The following PLEKHG1 variants were observed in gnomAD, a reference collection of about 807,000 sequenced individuals.
PLEKHG1 encodes the protein pleckstrin homology and RhoGEF domain containing G1.
Under a neutral mutation model 100.8 loss-of-function variants are expected in PLEKHG1, and 44 were observed. The ratio of observed to expected loss-of-function variants is 0.44; its 90% CI spans 0.34 to 0.56. The LOEUF is 0.56. PLEKHG1 is among the 20% of genes least tolerant of loss of function. PLEKHG1 has a pLI of 0.01. For missense variants in PLEKHG1, 1,545 were observed against 1,720.9 expected (o/e 0.90, Z 1.81); for synonymous variants, 640 against 662.5 (o/e 0.97, Z 0.52).
chr6:150,776,164 C>A (rs137969537), intron 3 of PLEKHG1, among the ~76,000 whole-genome samples: 17 of 152,196 alleles, frequency 1.1e-4, no homozygotes, highest in Admixed American at 9.2e-4. Context: ...TCTCATTTCC[C>A]ACCCAACTAA....
chr6:150,788,139 C>T (rs1785743810), intron 4 of PLEKHG1, among the ~76,000 whole-genome samples: 2 of 152,348 alleles, frequency 1.3e-5, no homozygotes, highest in African/African-American at 2.4e-5. Flanking sequence ...TTATGTGCCA[C>T]GTTGCCAACT....
rs1778455419 is a variant in PLEKHG1 at position 150,645,444 on chromosome 6, A to G, written c.-157-5284A>G. On this transcript the variant is annotated intron_variant, in intron 2 of 3. Coordinates refer to the PLEKHG1 transcript ENST00000367326. ...ACAAAAATCTTTAAACCATAGACAT[A>G]TGTAACTGCATTATATTTAAGATCC... Among the ~76,000 whole-genome samples the G allele has an allele frequency of 2.6e-5, 4 of 152,358 alleles. No homozygotes were observed. The East Asian group carries it at 7.7e-4, about 29-fold the overall frequency.
chr6:150,829,465 A>C (rs1276826407), intron 14 of PLEKHG1, among the ~76,000 whole-genome samples: 1 of 152,054 alleles, frequency 6.6e-6, no homozygotes, highest in Admixed American at 6.6e-5. Flanking sequence ...TAAAAATACA[A>C]AAATTAGCCA....
intron 2 of PLEKHG1, among the ~76,000 whole-genome samples, chr6:150,762,923 T>C (rs2128635846): frequency 6.6e-6 from 1 of 152,320 alleles, no homozygotes; most frequent in Non-Finnish European, 1.5e-5. Context: ...CTCACAGTAC[T>C]TTGTAAATAA....
intron 1 of PLEKHG1, among the ~76,000 whole-genome samples, chr6:150,610,710 G>A (rs1776791698): frequency 6.6e-6 from 1 of 152,110 alleles, no homozygotes; most frequent in Non-Finnish European, 1.5e-5. Context: ...TCTTTAAAAA[G>A]GTTTCTTTAG....
intron 3 of PLEKHG1, among the ~76,000 whole-genome samples, chr6:150,783,862 T>G (rs371600035): frequency 1.6e-3 from 240 of 152,340 alleles, no homozygotes; most frequent in African/African-American, 5.5e-3. Flanking sequence ...TCTAGAAAAA[T>G]AATTTTACTA....
chr6:150,820,634 G>A (rs2128678393), intron 12 of PLEKHG1, among the ~76,000 whole-genome samples: 1 of 152,266 alleles, frequency 6.6e-6, no homozygotes, highest in Non-Finnish European at 1.5e-5. Flanking sequence ...GGAGGCTGAG[G>A]TGGGAGGATC....
chr6:150,831,712 T>A lies in PLEKHG1; in HGVS notation c.2601T>A (p.Asp867Glu). 3 of 1,613,290 alleles carry A rather than the reference T, an allele frequency of 1.9e-6. No homozygotes were observed. The highest frequency in any genetic ancestry group is 2.5e-6 in the Non-Finnish European group (3 of 1,180,036). Reference sequence around the variant, plus strand: ...CAGCGTTTCCTGTGAGCAAGGATGATGTGCCAGACAGGCTGCACGCAGAGA... The same window carrying A: ...CAGCGTTTCCTGTGAGCAAGGATGAAGTGCCAGACAGGCTGCACGCAGAGA... The change falls in exon 15 of 16, where the codon GAT (aspartate) becomes GAA (glutamate). Residue 867 changes from aspartate to glutamate, a missense_variant. By Grantham distance (45) the Asp-to-Glu change is conservative. Coordinates refer to ENST00000358517, the Ensembl canonical transcript of PLEKHG1. The surrounding 1 kb of genome is among the most constrained non-coding windows in gnomAD (Gnocchi z 4.1).
intron 3 of PLEKHG1, among the ~76,000 whole-genome samples, chr6:150,687,948 A>G (rs1325903805): frequency 6.6e-6 from 1 of 152,222 alleles, no homozygotes; most frequent in Non-Finnish European, 1.5e-5. Context: ...GTTTCCAGCC[A>G]TACTTTTCAG....
intron 2 of PLEKHG1, among the ~76,000 whole-genome samples, chr6:150,761,717 T>A (rs922584093): frequency 6.6e-6 from 1 of 152,240 alleles, no homozygotes; most frequent in Non-Finnish European, 1.5e-5. Context: ...TAGATGTGTT[T>A]TTGCTTAAAG....
chr6:150,746,469 G>A (rs4869943), intron 2 of PLEKHG1, among the ~76,000 whole-genome samples: 27,630 of 152,100 alleles, frequency 0.18, 2,635 homozygotes, highest in Admixed American at 0.24. Context: ...ATGGTCTTCC[G>A]TTAGTGTTAA....
chr6:150,748,854 G>A (rs1783330495), intron 2 of PLEKHG1, among the ~76,000 whole-genome samples: 1 of 152,112 alleles, frequency 6.6e-6, no homozygotes, highest in Admixed American at 6.5e-5. Context: ...TGGAACTCCT[G>A]ACCTCAAGTG....
At chr6:150,669,437 G>A (rs899137910) in intron 3 of PLEKHG1, among the ~76,000 whole-genome samples, 2 of 152,100 alleles carry the variant, frequency 1.3e-5, no homozygotes, top group African/African-American at 2.4e-5. Context: ...AGTCTGTGGG[G>A]AGAATTAACC....
At chr6:150,672,390 T>C (rs1202161135) in intron 3 of PLEKHG1, among the ~76,000 whole-genome samples, 2 of 152,240 alleles carry the variant, frequency 1.3e-5, no homozygotes, top group Non-Finnish European at 2.9e-5. Flanking sequence ...CTTTCCTCGA[T>C]GTCCCGTTAA....
intron 2 of PLEKHG1, among the ~76,000 whole-genome samples, chr6:150,735,133 T>A (rs1418759824): frequency 1.3e-5 from 2 of 152,004 alleles, no homozygotes; most frequent in Non-Finnish European, 2.9e-5. Context: ...ATTATAGGCA[T>A]GCTCCACCAC....
At chr6:150,616,099 A>C (rs913088774) in intron 1 of PLEKHG1, among the ~76,000 whole-genome samples, 3 of 152,176 alleles carry the variant, frequency 2.0e-5, no homozygotes, top group African/African-American at 7.2e-5. Context: ...CCCAGATCTG[A>C]AGCTCATAGT....
At chr6:150,641,843 C>A (rs1162375094) in intron 2 of PLEKHG1, among the ~76,000 whole-genome samples, 1 of 72,954 alleles carries the variant, frequency 1.4e-5, no homozygotes, top group African/African-American at 5.4e-5. Context: ...ACCAATATGT[C>A]AAAGCCTGTT....
At chr6:150,744,691 T>C (rs1046742693) in intron 2 of PLEKHG1, among the ~76,000 whole-genome samples, 1 of 152,194 alleles carries the variant, frequency 6.6e-6, no homozygotes, top group Non-Finnish European at 1.5e-5. Flanking sequence ...ATGATAATTA[T>C]GAATGTGGTG....
At chr6:150,823,499 C>A (rs1208382541) in intron 13 of PLEKHG1, among the ~76,000 whole-genome samples, 155 bp from the exon 15 acceptor site, 1 of 152,112 alleles carries the variant, frequency 6.6e-6, no homozygotes, top group Non-Finnish European at 1.5e-5. Flanking sequence ...GGAGAGCTGA[C>A]AGGGATTTTC....
Sources: gnomAD v4.1 joint callset for allele counts (sites outside exome capture counted in the v4.1 genomes callset) on GRCh38, gnomAD v4.1.1 for gene constraint, Gnocchi (gnomAD v3.1) non-coding constraint, MANE v1.5 for transcripts, NCBI Gene and HGNC (gene_info 2026-07-23, HGNC 2026-07-21) for gene names.